RBM25: variants seen among roughly 807,000 people sequenced by gnomAD.
The protein encoded by RBM25 is RNA binding motif protein 25.
In RBM25, 19 loss-of-function variants were observed where a neutral mutation model predicts 120.7. The ratio of observed to expected loss-of-function variants is 0.16; its 90% CI spans 0.11 to 0.23. RBM25 has a LOEUF of 0.23. Among genes scored for constraint, RBM25 ranks in the 10% least tolerant of loss-of-function variants. RBM25 has a pLI of 1.00. For missense variants in RBM25, 605 were observed against 1,041.5 expected, an observed-to-expected ratio of 0.58 and a Z score of 5.77; for synonymous variants, 390 against 326.7, an observed-to-expected ratio of 1.19 and a Z score of -2.09.
In RBM25 at chr14:73,103,406, G is replaced by A. The variant is rs754102392; in HGVS notation, c.1082G>A (p.Arg361Gln). ...RDRTKERDRD[R>Q]DRERDRDRDR... ...CGGACAAAAGAGAGAGACCGAGATC[G>A]GGATCGAGAGAGAGATCGTGACCGG... The change falls in exon 10 of 19, where the codon CGG becomes CAG. Residue 361 changes from arginine to glutamine, a missense_variant. Arg to Gln is a conservative substitution (Grantham distance 43). Around this residue, in one of 4 missense-constraint regions of RBM25, gnomAD observed 465 missense variants for 741.6 expected, o/e 0.63. Coordinates refer to ENST00000261973, the MANE Select transcript of RBM25 (RefSeq NM_021239.3). 6.2e-6 allele frequency: 10 copies of A among 1,613,632 alleles called. No individual in the cohort carries two copies. In the Admixed American group the frequency reaches 6.7e-5, roughly 11 times the overall value.
chr14:73,063,236 G>A (rs1355992716), intron 1 of RBM25, among the ~76,000 whole-genome samples: 4 of 150,962 alleles, frequency 2.6e-5, no homozygotes, highest in African/African-American at 4.9e-5. Flanking sequence ...TGCAAGCTCC[G>A]CCTCCCGGGT....
At chr14:73,070,945 C>CA (rs377148981) in intron 1 of RBM25, among the ~76,000 whole-genome samples, 36,846 of 123,756 alleles carry the variant, frequency 0.3, 5,650 homozygotes, top group East Asian at 0.45. Flanking sequence ...GACTCCATCT[C>CA]AAAAAAAAAA....
intron 6 of RBM25, among the ~76,000 whole-genome samples, chr14:73,093,807 A>G (rs939624632): frequency 7.4e-5 from 11 of 149,534 alleles, no homozygotes; most frequent in African/African-American, 2.5e-4. Context: ...GCACCCGGCC[A>G]TCTGGTTTCT....
At chr14:73,086,919 G>A (rs1042812442) in intron 5 of RBM25, among the ~76,000 whole-genome samples, 5 of 152,118 alleles carry the variant, frequency 3.3e-5, no homozygotes, top group Admixed American at 1.3e-4. Context: ...TGGCCAGGCT[G>A]GTCTGGAACT....
chr14:73,120,513 T>C lies in RBM25; in HGVS notation c.*708T>C, dbSNP rs1896521280. ...CATGGTGTTCTCGTGTCGTGAGCAA[T>C]GTGGTTTGCTAACTGGATGGGGTTT... is the stretch of plus-strand genomic sequence containing the variant. On this transcript the variant is annotated 3_prime_UTR_variant, in exon 19 of 19. Transcript: ENST00000261973. 1 of 152,646 alleles carries C rather than the reference T, an allele frequency of 6.6e-6. No homozygotes were observed. Among genetic ancestry groups the C allele is most frequent in the South Asian group, 2.1e-4 (1 of 4,830 alleles). The allele number at this position is 152,646 out of a possible 1,614,324, so 9.5% of individuals were successfully genotyped here.
chr14:73,077,419 G>A lies in RBM25; in HGVS notation c.207G>A (p.Lys69=). ...TTGGAAAGCATTTGGGCGCAAGAAA[G>A]GATCATCCAGGCTTAAAGGCTAAAG... is the stretch of plus-strand genomic sequence containing the variant. ...SMVGKHLGAR[K]DHPGLKAKEN... The change falls in exon 4 of 19, where the codon AAG becomes AAA. Residue 69 remains lysine (K), a synonymous_variant. Coordinates refer to ENST00000261973, the MANE Select transcript of RBM25 (RefSeq NM_021239.3). The A allele has an allele frequency of 6.2e-7, 1 of 1,613,806 alleles. No individual in the cohort carries two copies. The highest frequency in any genetic ancestry group is 8.5e-7 in the Non-Finnish European group (1 of 1,179,788).
In RBM25 at chr14:73,121,537, C is replaced by T. The variant is rs1195817118; in HGVS notation, c.*1732C>T. ...TTTATTTTAAATTCTGGTTTCTCAA[C>T]GGAAAATTTCAGAAAAGATGCCCCT... On this transcript the variant is annotated 3_prime_UTR_variant, in exon 19 of 19. Transcript: ENST00000261973. 1.3e-5 allele frequency: 2 copies of T among 152,126 alleles called. No homozygotes were observed. The highest frequency in any genetic ancestry group is 1.9e-4 in the East Asian group (1 of 5,192). The allele number at this position is 152,126 out of a possible 1,614,324, so 9.4% of individuals were successfully genotyped here.
intron 15 of RBM25, 90 bp downstream of exon 15, chr14:73,111,245 TG>T: frequency 3.5e-6 from 4 of 1,155,714 alleles, no homozygotes; most frequent in Non-Finnish European, 4.8e-6. Flanking sequence ...TTTATATTTG[TG>T]CTTGGTTAGG....
At chr14:73,111,284 T>G in intron 15 of RBM25, 129 bp downstream of exon 15, 4 of 916,226 alleles carry the variant, frequency 4.4e-6, no homozygotes, top group Non-Finnish European at 6.4e-6. Flanking sequence ...AAAAATGCCT[T>G]TCTAGCTCAC....
At chr14:73,068,591 C>G (rs1038186308) in intron 1 of RBM25, 14 of 532,612 alleles carry the variant, frequency 2.6e-5, no homozygotes, top group African/African-American at 1.7e-4. Flanking sequence ...GTAGATCTGA[C>G]CATGGCTCTG....
At chr14:73,113,103 G>A (rs1896349245) in intron 17 of RBM25, among the ~76,000 whole-genome samples, 1 of 151,984 alleles carries the variant, frequency 6.6e-6, no homozygotes, top group South Asian at 2.1e-4. Flanking sequence ...ATCTACATTA[G>A]GTATTTCTCC....
At chr14:73,112,375 T>C (rs2140463389) in intron 17 of RBM25, 125 bp downstream of exon 17, 1 of 898,988 alleles carries the variant, frequency 1.1e-6, no homozygotes, top group South Asian at 3.0e-5. Flanking sequence ...TTAAGTGATT[T>C]ATATCTGCTT....
chr14:73,113,743 ATCTG>A (rs969338235), intron 17 of RBM25, among the ~76,000 whole-genome samples: 1 of 152,150 alleles, frequency 6.6e-6, no homozygotes, highest in Non-Finnish European at 1.5e-5. Flanking sequence ...AACACTTAGA[ATCTG>A]TCTGTCATGA....
In RBM25 at chr14:73,123,812, G is replaced by A. The variant is rs1249928492; in HGVS notation, c.*4007G>A. On this transcript the variant is annotated 3_prime_UTR_variant, in exon 19 of 19. Transcript: ENST00000261973. ...GTCATGAAGGCGAAATTAAAGAATGGCAGTCTAAAATACCCAGGTAAAGAA... is the reference window on the plus strand; with the variant it reads ...GTCATGAAGGCGAAATTAAAGAATGACAGTCTAAAATACCCAGGTAAAGAA... The A allele has an allele frequency of 6.6e-6, 1 of 152,010 alleles. No individual in the cohort carries two copies. 9.4% of individuals were successfully genotyped at this position (152,010 alleles called of 1,614,324 possible).
rs895772856 is a variant in RBM25 at position 73,083,666 on chromosome 14, C to G, written c.382+115C>G. The G allele has an allele frequency of 2.0e-5, 12 of 605,750 alleles. No homozygotes were observed. In the East Asian group the frequency reaches 2.4e-4, roughly 12 times the overall value. The allele number at this position is 605,750 out of a possible 1,614,324, so 37.5% of individuals were successfully genotyped here. A position where few individuals can be genotyped will look rare whatever the true frequency, so the allele number is the denominator to read the frequency against. Reference sequence around the variant, plus strand: ...ATCAGTAAGACTTATTTTATTAGCACTCTTTGTCCTCTTTTTTATTGAAAT... The same window carrying G: ...ATCAGTAAGACTTATTTTATTAGCAGTCTTTGTCCTCTTTTTTATTGAAAT... On this transcript the variant is annotated intron_variant, in intron 5 of 18. Coordinates refer to ENST00000261973, the MANE Select transcript of RBM25 (RefSeq NM_021239.3).
At chr14:73,100,148 ATTTACAT>A in intron 9 of RBM25, 1 of 476,294 alleles carries the variant, frequency 2.1e-6, no homozygotes, top group Non-Finnish European at 3.7e-6. Context: ...TGAGATTAAA[ATTTACAT>A]TTTATATTTG....
chr14:73,103,429 C>T lies in RBM25; in HGVS notation c.1105C>T (p.Arg369Trp), dbSNP rs1896094354. The change falls in exon 10 of 19, where the codon CGG becomes TGG. Residue 369 changes from arginine (R) to tryptophan (W), a missense_variant. Transcript: ENST00000261973. ...RDRDRERDRD[R>W]DRERSSDRNK... ...TCGGGATCGAGAGAGAGATCGTGACCGGGATAGAGAAAGGAGCTCAGATCG... is the reference window on the plus strand; with the variant it reads ...TCGGGATCGAGAGAGAGATCGTGACTGGGATAGAGAAAGGAGCTCAGATCG... 9 of 1,612,492 alleles carry T rather than the reference C, an allele frequency of 5.6e-6. No homozygotes were observed. Among genetic ancestry groups the T allele is most frequent in the East Asian group, 2.2e-5 (1 of 44,860 alleles).
At chr14:73,097,682 A>G (rs748063397) in intron 7 of RBM25, among the ~76,000 whole-genome samples, 1 of 152,178 alleles carries the variant, frequency 6.6e-6, no homozygotes, top group African/African-American at 2.4e-5. Flanking sequence ...TGTTCTAAGC[A>G]AGAAACCAGA....
chr14:73,092,679 C>T (rs1741568185), intron 6 of RBM25, among the ~76,000 whole-genome samples: 1 of 151,156 alleles, frequency 6.6e-6, no homozygotes, highest in African/African-American at 2.4e-5. Context: ...CCCATTAACT[C>T]GTCATTTAAC....
Sources: gnomAD v4.1 joint callset for allele counts (sites outside exome capture counted in the v4.1 genomes callset) on GRCh38, gnomAD v4.1.1 for gene constraint, gnomAD v4.1.1 regional missense constraint, MANE v1.5 for transcripts, NCBI Gene and HGNC (gene_info 2026-07-23, HGNC 2026-07-21) for gene names.